C3orf70: variants seen among roughly 807,000 people sequenced by gnomAD.
C3orf70 encodes the protein chromosome 3 open reading frame 70.
In C3orf70, 15 loss-of-function variants were observed where a neutral mutation model predicts 20.7. That is an observed-to-expected ratio of 0.72 (90% CI 0.48 to 1.11). The LOEUF is 1.11. C3orf70 is among the 50% of genes most tolerant of loss of function. The probability of loss-of-function intolerance (pLI) is 0.00; values close to 1 mark genes in which losing one functional copy is unlikely to be tolerated. For missense variants in C3orf70, 332 were observed against 317.6 expected (o/e 1.05, Z -0.34); for synonymous variants, 161 against 125.7 (o/e 1.28, Z -1.88).
At chr3:185,120,782 G>T (rs1716281118) in intron 1 of C3orf70, among the ~76,000 whole-genome samples, 1 of 151,746 alleles carries the variant, frequency 6.6e-6, no homozygotes, top group African/African-American at 2.4e-5. Context: ...ACTGCTGGTG[G>T]GAATGTAAAC....
intron 1 of C3orf70, among the ~76,000 whole-genome samples, chr3:185,092,450 C>G (rs978302192): frequency 2.0e-5 from 3 of 152,094 alleles, no homozygotes; most frequent in African/African-American, 7.2e-5. Context: ...CTCACCTCCC[C>G]CCAAACCCTA....
At chr3:185,108,530 G>A (rs1034724705) in intron 1 of C3orf70, among the ~76,000 whole-genome samples, 8 of 152,194 alleles carry the variant, frequency 5.3e-5, no homozygotes, top group African/African-American at 1.7e-4. Context: ...TCACATTAGG[G>A]CTCATACACC....
At chr3:185,111,436 A>G (rs1339476239) in intron 1 of C3orf70, among the ~76,000 whole-genome samples, 1 of 152,254 alleles carries the variant, frequency 6.6e-6, no homozygotes, top group East Asian at 1.9e-4. Flanking sequence ...ATTTGAATAG[A>G]TATGTCTTTA....
intron 1 of C3orf70, among the ~76,000 whole-genome samples, chr3:185,144,256 C>T (rs990554843): frequency 1.3e-5 from 2 of 152,106 alleles, no homozygotes; most frequent in African/African-American, 4.8e-5. Context: ...ATATTAACAA[C>T]ATGAAAACTG....
chr3:185,132,716 G>A (rs1716544917), intron 1 of C3orf70, among the ~76,000 whole-genome samples: 1 of 152,178 alleles, frequency 6.6e-6, no homozygotes, highest in African/African-American at 2.4e-5. Flanking sequence ...TTGAAGAGCA[G>A]GTGGTCAGGT....
chr3:185,106,430 C>T (rs58888197), intron 1 of C3orf70, among the ~76,000 whole-genome samples: 12,701 of 151,890 alleles, frequency 0.084, 1,745 homozygotes, highest in African/African-American at 0.29. Context: ...GTGGGAAGCA[C>T]GGTCATACTA....
chr3:185,140,548 C>G (rs759497295), intron 1 of C3orf70, among the ~76,000 whole-genome samples: 1 of 152,002 alleles, frequency 6.6e-6, no homozygotes, highest in Non-Finnish European at 1.5e-5. Flanking sequence ...AAAATTCATA[C>G]GTTGAAATCC....
At chr3:185,098,691 T>A (rs1301486246) in intron 1 of C3orf70, among the ~76,000 whole-genome samples, 4 of 152,216 alleles carry the variant, frequency 2.6e-5, no homozygotes, top group African/African-American at 4.8e-5. Flanking sequence ...TTTTACTGTG[T>A]GGTAGATGTG....
At chr3:185,104,947 C>T (rs1045300649) in intron 1 of C3orf70, among the ~76,000 whole-genome samples, 1 of 152,148 alleles carries the variant, frequency 6.6e-6, no homozygotes, top group Admixed American at 6.5e-5. Flanking sequence ...CAAACCTGCA[C>T]ACATACCCCT....
At chr3:185,134,116 C>CATATATATATATATATAT (rs1553921592) in intron 1 of C3orf70, among the ~76,000 whole-genome samples, 6 of 134,664 alleles carry the variant, frequency 4.5e-5, no homozygotes, top group African/African-American at 1.6e-4. Context: ...AAAAATACAT[C>CATATATATATATATATAT]ATATATATAT....
In C3orf70 at chr3:185,077,610, G is replaced by A. The variant is rs146277119; in HGVS notation, c.*5397C>T. On this transcript the variant is annotated 3_prime_UTR_variant, in exon 2 of 2. Coordinates refer to ENST00000335012, the MANE Select transcript of C3orf70 (RefSeq NM_001025266.3). ...TCTTTTCTGAGTATGGACTTGCCGC[G>A]CTGAGGCCTGGCCCCTGAGTCTTGG... Among the ~76,000 whole-genome samples, 403 of 152,102 alleles carry A rather than the reference G, an allele frequency of 2.6e-3. 1 individual carries two copies. Among genetic ancestry groups the A allele is most frequent in the African/African-American group, 9.5e-3 (395 of 41,472 alleles).
chr3:185,083,177 T>A lies in C3orf70; in HGVS notation c.583A>T (p.Ile195Phe). The A allele has an allele frequency of 6.2e-7, 1 of 1,614,130 alleles. No individual in the cohort carries two copies. The highest frequency in any genetic ancestry group is 1.3e-5 in the African/African-American group (1 of 75,020). ...CACGATTCCACATAGTGAGCCCCAA[T>A]CGCATTGATCCCAGAGTCCTCAGAA... ...SSSEDSGINA[I>F]GAHYVESCDE... The change falls in exon 2 of 2, where the codon ATT becomes TTT. Residue 195 changes from isoleucine to phenylalanine, a missense_variant. Physicochemically the swap from Ile to Phe is conservative, Grantham distance 21. Transcript: ENST00000335012.
intron 1 of C3orf70, among the ~76,000 whole-genome samples, chr3:185,138,670 A>T (rs1425811070): frequency 3.3e-5 from 5 of 152,252 alleles, no homozygotes; most frequent in South Asian, 2.1e-4. Context: ...AATTGATTTT[A>T]AAAAAGCATC....
chr3:185,105,290 A>C (rs1052694209), intron 1 of C3orf70, among the ~76,000 whole-genome samples: 84 of 152,256 alleles, frequency 5.5e-4, no homozygotes, highest in African/African-American at 2.0e-3. Flanking sequence ...TGACATGTTC[A>C]TGATGGTCAT....
Position 185,080,266 on chromosome 3 carries a change from G to A in C3orf70, c.*2741C>T, listed in dbSNP as rs1715302943. ...AAGAGATTGTGCAAATACATAAGGT[G>A]ATTATCAACTATTATTAAATCCAAA... On this transcript the variant is annotated 3_prime_UTR_variant, in exon 2 of 2. Transcript: ENST00000335012. 6.6e-6 allele frequency: 1 copy of A among 152,604 alleles called. No individual in the cohort carries two copies. Among genetic ancestry groups the A allele is most frequent in the African/African-American group, 2.4e-5 (1 of 41,428 alleles). The allele number at this position is 152,604 out of a possible 1,614,324, so 9.5% of individuals were successfully genotyped here. A position where few individuals can be genotyped will look rare whatever the true frequency, so the allele number is the denominator to read the frequency against.
intron 1 of C3orf70, among the ~76,000 whole-genome samples, chr3:185,121,651 G>A (rs1200005219): frequency 1.3e-5 from 2 of 152,170 alleles, no homozygotes; most frequent in Non-Finnish European, 2.9e-5. Context: ...AGGAGAGAGA[G>A]TGTAATGAGA....
At chr3:185,100,990 T>C (rs949484271) in intron 1 of C3orf70, among the ~76,000 whole-genome samples, 5 of 151,568 alleles carry the variant, frequency 3.3e-5, no homozygotes, top group Admixed American at 1.3e-4. Context: ...CAGGAAGAAA[T>C]GGAATTGCTG....
chr3:185,152,545 C>A, intron 1 of C3orf70, 83 bp downstream of exon 1: 1 of 1,289,630 alleles, frequency 7.8e-7, no homozygotes, highest in Non-Finnish European at 1.0e-6. Context: ...CCCGCGGCCG[C>A]AGAGTTCCGG....
intron 1 of C3orf70, among the ~76,000 whole-genome samples, chr3:185,152,043 G>A (rs1716997474): frequency 6.6e-6 from 1 of 152,134 alleles, no homozygotes; most frequent in African/African-American, 2.4e-5. Context: ...GGGTATTTAA[G>A]GAGCTCGACC....
Sources: allele counts gnomAD v4.1 joint callset (sites outside exome capture counted in the v4.1 genomes callset), GRCh38; gene constraint gnomAD v4.1.1; transcripts MANE v1.5; gene names NCBI Gene and HGNC (gene_info 2026-07-23, HGNC 2026-07-21).